Variants in LIPG observed in about 807,000 individuals in gnomAD.
LIPG encodes endothelial lipase.
A neutral mutation model predicts 51.8 loss-of-function variants in LIPG; 34 were observed. The ratio of observed to expected loss-of-function variants is 0.66; its 90% CI spans 0.50 to 0.87. The LOEUF is 0.87. Ranked by LOEUF, LIPG falls within the 40% of genes least tolerant of loss-of-function variation. The probability of loss-of-function intolerance (pLI) is 0.00; values close to 1 mark genes in which losing one functional copy is unlikely to be tolerated. For synonymous variants in LIPG, 246 were observed against 246.1 expected, an observed-to-expected ratio of 1.00 and a Z score of 0.00; for missense variants, 580 against 652.7, an observed-to-expected ratio of 0.89 and a Z score of 1.21.
rs945465943 is a variant in LIPG at position 49,594,822 on chromosome 18, T to G, written c.*4300T>G. On this transcript the variant is annotated 3_prime_UTR_variant, in exon 10 of 10. Transcript: ENST00000261292. ...TGATAATGGCTGTAGGGAGTTGGGT[T>G]AGACAATAAGAGATAAGTTCTTAAC... 2.6e-5 allele frequency: 4 copies of G among 152,206 alleles called. No homozygotes were observed. The highest frequency in any genetic ancestry group is 5.9e-5 in the Non-Finnish European group (4 of 68,040). The allele number at this position is 152,206 out of a possible 1,614,324, so 9.4% of individuals were successfully genotyped here.
chr18:49,590,641 G>T lies in LIPG; in HGVS notation c.*119G>T. On this transcript the variant is annotated 3_prime_UTR_variant, in exon 10 of 10. Transcript: ENST00000261292. ...AGGATTCTTCTCAGCCTTGACCCTGGAGCACTGGGAACAACTGGTCTCCTG... is the reference window on the plus strand; with the variant it reads ...AGGATTCTTCTCAGCCTTGACCCTGTAGCACTGGGAACAACTGGTCTCCTG... 1 of 1,064,420 alleles carries T rather than the reference G, an allele frequency of 9.4e-7. No homozygotes were observed. Among genetic ancestry groups the T allele is most frequent in the East Asian group, 2.6e-5 (1 of 38,768 alleles). The allele number at this position is 1,064,420 out of a possible 1,614,324, so 65.9% of individuals were successfully genotyped here.
At chr18:49,562,462 G>C (rs2084561271) in intron 1 of LIPG, 57 bp downstream of exon 1, 2 of 1,441,506 alleles carry the variant, frequency 1.4e-6, no homozygotes, top group Non-Finnish European at 2.0e-6. Context: ...GGTCCCCTCT[G>C]TCTTGCTGAT....
At chr18:49,585,030 G>A (rs1288055525) in intron 8 of LIPG, among the ~76,000 whole-genome samples, 3 of 152,148 alleles carry the variant, frequency 2.0e-5, no homozygotes, top group African/African-American at 7.2e-5. Flanking sequence ...AAATGTTAGT[G>A]TGTTTCCTTC....
chr18:49,593,695 T>C lies in LIPG; in HGVS notation c.*3173T>C, dbSNP rs2084965121. The C allele has an allele frequency of 6.6e-6, 1 of 152,104 alleles. No homozygotes were observed. 9.4% of individuals were successfully genotyped at this position (152,104 alleles called of 1,614,324 possible). ...AGCCCAGGGGTCCCCTACCAGCCAA[T>C]GGAAAGCCAGAAAAGGGAAGGGATG... On this transcript the variant is annotated 3_prime_UTR_variant, in exon 10 of 10. Transcript: ENST00000261292.
Position 49,581,489 on chromosome 18 carries a change from A to C in LIPG, c.868A>C (p.Lys290Gln). The change falls in exon 6 of 10, where the codon AAG becomes CAG. Residue 290 changes from lysine to glutamine, a missense_variant. Transcript: ENST00000261292. ...TGTTGACTCTCTGGTGAATCAGGAC[A>C]AGCCGAGTTTTGCCTTCCAGTGCAC... ...LFVDSLVNQD[K>Q]PSFAFQCTDS... 6.2e-7 allele frequency: 1 copy of C among 1,614,240 alleles called. No homozygotes were observed. The highest frequency in any genetic ancestry group is 8.5e-7 in the Non-Finnish European group (1 of 1,180,046).
chr18:49,581,097 A>G (rs1315510611), intron 5 of LIPG, among the ~76,000 whole-genome samples: 1 of 152,112 alleles, frequency 6.6e-6, no homozygotes, highest in Non-Finnish European at 1.5e-5. Context: ...TGTATCTACA[A>G]AAACTACAAA....
chr18:49,582,404 A>AT lies in LIPG; in HGVS notation c.1079_1080insT (p.Met361HisfsTer5). ...AAAATCCATGTCTTCAGTTACAAGA[A>AT]CATGGGAGAAATTGAGCCCACCTTT... On this transcript the variant is annotated frameshift_variant, in exon 7 of 10. Transcript: ENST00000261292. LOFTEE classifies it high-confidence loss of function. 6.2e-7 allele frequency: 1 copy of AT among 1,614,174 alleles called. No individual in the cohort carries two copies. Among genetic ancestry groups the AT allele is most frequent in the Non-Finnish European group, 8.5e-7 (1 of 1,179,984 alleles).
chr18:49,579,799 T>C (rs1037672594), intron 5 of LIPG, among the ~76,000 whole-genome samples: 12 of 142,180 alleles, frequency 8.4e-5, no homozygotes, highest in African/African-American at 1.8e-4. Flanking sequence ...TTTTCTTTTC[T>C]TTTCTTTTCT....
chr18:49,575,695 A>C (rs1600552598), intron 5 of LIPG, 105 bp downstream of exon 5: 8 of 898,626 alleles, frequency 8.9e-6, no homozygotes, highest in Admixed American at 2.0e-5. Context: ...CATTATTCTC[A>C]CCTCCCACCA....
chr18:49,573,579 C>T (rs1018617140), intron 4 of LIPG, among the ~76,000 whole-genome samples: 1 of 115,324 alleles, frequency 8.7e-6, no homozygotes, highest in African/African-American at 3.1e-5. Context: ...GATTCCAACT[C>T]AAAAAAAAAA....
intron 7 of LIPG, 106 bp from the exon 8 acceptor site, chr18:49,583,450 C>G: frequency 2.2e-6 from 2 of 891,948 alleles, no homozygotes; most frequent in Non-Finnish European, 3.7e-6. Context: ...CTCACACTGT[C>G]TCTCTCCTGT....
chr18:49,565,581 T>A (rs927814126), intron 2 of LIPG, 83 bp downstream of exon 2: 7 of 1,487,844 alleles, frequency 4.7e-6, no homozygotes, highest in Non-Finnish European at 1.9e-6. Context: ...TTCTGGTGTT[T>A]CCAGATTCCA....
intron 2 of LIPG, among the ~76,000 whole-genome samples, chr18:49,566,707 C>T (rs2084609852): frequency 6.6e-6 from 1 of 152,094 alleles, no homozygotes; most frequent in South Asian, 2.1e-4. Context: ...TCTGCATTCA[C>T]CTAGGAGACA....
At chr18:49,573,839 C>T (rs549616837) in intron 4 of LIPG, among the ~76,000 whole-genome samples, 1 of 152,114 alleles carries the variant, frequency 6.6e-6, no homozygotes, top group African/African-American at 2.4e-5. Flanking sequence ...CTCCTCCCAG[C>T]CTTGGTGTTT....
In LIPG at chr18:49,581,419, C is replaced by T. The variant is rs984435796; in HGVS notation, c.798C>T (p.Ile266=). Residue 266 remains isoleucine (I), a synonymous_variant, in exon 6 of 10, where the codon ATC becomes ATT. Transcript: ENST00000261292. ...DVLGSIAYGT[I]TEVVKCEHER... is the part of the protein sequence containing the mutation. ...TTTTATCTCTCCCACCCCCAGCAAT[C>T]ACAGAGGTGGTAAAATGTGAGCATG... 6.2e-7 allele frequency: 1 copy of T among 1,614,198 alleles called. No homozygotes were observed. The highest frequency in any genetic ancestry group is 8.5e-7 in the Non-Finnish European group (1 of 1,180,046).
intron 4 of LIPG, among the ~76,000 whole-genome samples, chr18:49,572,448 T>C (rs2084674002): frequency 6.6e-6 from 1 of 151,644 alleles, no homozygotes; most frequent in Non-Finnish European, 1.5e-5. Context: ...TAGGACTCAG[T>C]GATTAAGTAA....
intron 1 of LIPG, among the ~76,000 whole-genome samples, chr18:49,564,916 A>T (rs1380075899): frequency 6.6e-6 from 1 of 152,252 alleles, no homozygotes; most frequent in Non-Finnish European, 1.5e-5. Context: ...TGTATGCTCC[A>T]TGATGCCTTT....
intron 8 of LIPG, 44 bp from the exon 9 acceptor site, chr18:49,586,702 C>T (rs2084883384): frequency 7.3e-7 from 1 of 1,368,176 alleles, no homozygotes; most frequent in Non-Finnish European, 1.0e-6. Flanking sequence ...AGCTGGATTC[C>T]CCCTAAAGTT....
At chr18:49,568,886 T>C (rs887193197) in intron 3 of LIPG, among the ~76,000 whole-genome samples, 5 of 152,086 alleles carry the variant, frequency 3.3e-5, no homozygotes, top group Non-Finnish European at 5.9e-5. Flanking sequence ...AGCTCTTCTA[T>C]AGAGTTTGGT....
Sources: allele counts gnomAD v4.1 joint callset (sites outside exome capture counted in the v4.1 genomes callset), GRCh38; gene constraint gnomAD v4.1.1; transcripts MANE v1.5; gene names NCBI Gene and HGNC (gene_info 2026-07-23, HGNC 2026-07-21).